The following SCTR variants were observed in gnomAD, a reference collection of about 807,000 sequenced individuals.
SCTR encodes pancreatic secretin receptor.
SCTR carries 56 observed loss-of-function variants against 60.8 expected under a neutral mutation model. That is an observed-to-expected ratio of 0.92 (90% CI 0.74 to 1.15). The LOEUF (loss-of-function observed/expected upper bound fraction) is 1.15, where lower values mean the gene tolerates loss of function less well. SCTR is among the 50% of genes most tolerant of loss of function. The probability of loss-of-function intolerance (pLI) is 0.00; values close to 1 mark genes in which losing one functional copy is unlikely to be tolerated. For missense variants in SCTR, 562 were observed against 550.4 expected, an observed-to-expected ratio of 1.02 and a Z score of -0.21; for synonymous variants, 202 against 217.0, an observed-to-expected ratio of 0.93 and a Z score of 0.61.
intron 3 of SCTR, among the ~76,000 whole-genome samples, chr2:119,475,568 G>A (rs1677236553): frequency 1.3e-5 from 2 of 150,516 alleles, no homozygotes; most frequent in Admixed American, 6.6e-5. Context: ...ACAGGCCAGT[G>A]TGCACCTCAG....
intron 1 of SCTR, among the ~76,000 whole-genome samples, chr2:119,522,751 C>A (rs960850817): frequency 3.9e-5 from 6 of 152,136 alleles, no homozygotes; most frequent in African/African-American, 1.4e-4. Flanking sequence ...GGAGCTATTG[C>A]CTCTCCCACC....
At chr2:119,440,481 T>C (rs1234224196) in intron 12 of SCTR, among the ~76,000 whole-genome samples, 2 of 152,238 alleles carry the variant, frequency 1.3e-5, no homozygotes, top group Non-Finnish European at 2.9e-5. Context: ...CATTACATCG[T>C]GTCTTAAAGA....
At chr2:119,505,728 G>T (rs1678718711) in intron 1 of SCTR, among the ~76,000 whole-genome samples, 1 of 141,808 alleles carries the variant, frequency 7.1e-6, no homozygotes, top group Non-Finnish European at 1.5e-5. Flanking sequence ...AGGGGGGAGG[G>T]ATAGCTTTAG....
At chr2:119,508,438 G>A (rs1458002512) in intron 1 of SCTR, among the ~76,000 whole-genome samples, 3 of 115,318 alleles carry the variant, frequency 2.6e-5, no homozygotes, top group Admixed American at 1.2e-4. Flanking sequence ...CCAGGCTGAA[G>A]TGTAGTGATA....
At chr2:119,502,777 A>G (rs1284483312) in intron 1 of SCTR, among the ~76,000 whole-genome samples, 5 of 151,208 alleles carry the variant, frequency 3.3e-5, no homozygotes, top group Non-Finnish European at 5.9e-5. Flanking sequence ...GGATTGCTTG[A>G]GTCCGGGAGT....
intron 1 of SCTR, among the ~76,000 whole-genome samples, chr2:119,502,689 T>A (rs1008656396): frequency 6.6e-6 from 1 of 151,806 alleles, no homozygotes; most frequent in African/African-American, 2.4e-5. Context: ...GATTATCCAG[T>A]GATAAAATAA....
intron 8 of SCTR, 132 bp from the exon 9 acceptor site, chr2:119,452,211 T>G: frequency 1.5e-6 from 1 of 651,658 alleles, no homozygotes; most frequent in Non-Finnish European, 2.8e-6. Context: ...CCTGCAGTGG[T>G]GTGCCCAGCA....
Position 119,464,251 on chromosome 2 carries a change from G to A in SCTR, c.508C>T (p.Leu170Phe). The change falls in exon 6 of 13, where the codon CTC (leucine) becomes TTC (phenylalanine). Residue 170 changes from leucine to phenylalanine, a missense_variant. Coordinates refer to ENST00000019103, the MANE Select transcript of SCTR (RefSeq NM_002980.3). ...TGGATGTAGTTGCGAGTGCAGTGGA[G>A]CCTCCTGCAGGGAGAGAATGTAGGG... ...ALGILCAFRR[L>F]HCTRNYIHMH... 2 of 1,614,150 alleles carry A rather than the reference G, an allele frequency of 1.2e-6. No homozygotes were observed. Among genetic ancestry groups the A allele is most frequent in the Non-Finnish European group, 1.7e-6 (2 of 1,179,998 alleles).
At chr2:119,478,788 G>T in intron 3 of SCTR, 23 bp downstream of exon 3, 1 of 1,612,712 alleles carries the variant, frequency 6.2e-7, no homozygotes, top group Non-Finnish European at 8.5e-7. Flanking sequence ...CTGTCCGCCA[G>T]GCCCCATGGG....
rs144810736 is a variant in SCTR at position 119,452,036 on chromosome 2, G to A, written c.895C>T (p.Arg299Cys). The A allele has an allele frequency of 2.4e-3, 3,939 of 1,607,936 alleles. 4 individuals are homozygous for A. The highest frequency in any genetic ancestry group is 3.1e-3 in the Non-Finnish European group (3,632 of 1,175,858). The change falls in exon 9 of 13, where the codon CGT (arginine) becomes TGT (cysteine). Residue 299 changes from arginine (R) to cysteine (C), a missense_variant. By Grantham distance (180) the Arg-to-Cys change is radical (BLOSUM62 -3). Transcript: ENST00000019103. ...AGGATGGAGAGGATCACAGGACCAC[G>A]AATGATCCACCAGATGGATGCGTTG... is the stretch of plus-strand genomic sequence containing the variant. Reference protein sequence around the residue: ...NANASIWWIIRGPVILSILIN... With the variant: ...NANASIWWIICGPVILSILIN...
chr2:119,469,927 G>C (rs1285147243), intron 4 of SCTR, among the ~76,000 whole-genome samples: 1 of 152,196 alleles, frequency 6.6e-6, no homozygotes, highest in African/African-American at 2.4e-5. Flanking sequence ...CCTGCTTTCT[G>C]TAGCCTTTAG....
intron 1 of SCTR, among the ~76,000 whole-genome samples, chr2:119,514,204 G>GC (rs1679042290): frequency 6.6e-6 from 1 of 152,270 alleles, no homozygotes; most frequent in Non-Finnish European, 1.5e-5. Context: ...ACCAACAACT[G>GC]CCCCCTGGGA....
At chr2:119,516,887 G>T (rs557059486) in intron 1 of SCTR, among the ~76,000 whole-genome samples, 56 of 152,260 alleles carry the variant, frequency 3.7e-4, no homozygotes, top group Admixed American at 2.9e-3. Flanking sequence ...TGAACCTCTT[G>T]AACCCGGGAG....
intron 2 of SCTR, among the ~76,000 whole-genome samples, chr2:119,490,804 G>A (rs1407785234): frequency 6.6e-6 from 1 of 152,192 alleles, no homozygotes; most frequent in African/African-American, 2.4e-5. Flanking sequence ...CACTGGCCCA[G>A]TATCCCTTTG....
chr2:119,522,161 T>C, intron 1 of SCTR, among the ~76,000 whole-genome samples: 1 of 152,126 alleles, frequency 6.6e-6, no homozygotes, highest in East Asian at 1.9e-4. Context: ...CCGAGCATGG[T>C]GGCACATGCC....
chr2:119,482,302 C>A (rs1375304045), intron 2 of SCTR, among the ~76,000 whole-genome samples: 1 of 152,170 alleles, frequency 6.6e-6, no homozygotes, highest in African/African-American at 2.4e-5. Context: ...AGAGGCCCAG[C>A]CCCTAGCAGG....
chr2:119,498,775 G>A (rs1259972261), intron 1 of SCTR, among the ~76,000 whole-genome samples: 2 of 151,932 alleles, frequency 1.3e-5, no homozygotes, highest in African/African-American at 4.8e-5. Context: ...TTTAAAAATT[G>A]TTCAACTAAC....
At chr2:119,483,489 C>T (rs756062900) in intron 2 of SCTR, among the ~76,000 whole-genome samples, 15 of 152,124 alleles carry the variant, frequency 9.9e-5, no homozygotes, top group African/African-American at 3.1e-4. Context: ...TTCCTGAACA[C>T]GAGTGACACT....
chr2:119,475,797 T>C (rs1677264794), intron 3 of SCTR, among the ~76,000 whole-genome samples: 1 of 151,434 alleles, frequency 6.6e-6, no homozygotes, highest in African/African-American at 2.4e-5. Flanking sequence ...CATCTGATTT[T>C]CAGAAGGCTC....
Sources: allele counts gnomAD v4.1 joint callset (sites outside exome capture counted in the v4.1 genomes callset), GRCh38; gene constraint gnomAD v4.1.1; transcripts MANE v1.5; gene names NCBI Gene and HGNC (gene_info 2026-07-23, HGNC 2026-07-21).